Variants in IGF1R observed in about 807,000 individuals in gnomAD.
IGF1R encodes the protein insulin like growth factor 1 receptor, also known as insulin-like growth factor 1 receptor.
A neutral mutation model predicts 144.6 loss-of-function variants in IGF1R; 44 were observed. The observed-to-expected ratio is 0.30, with a 90% confidence interval of 0.24 to 0.39. The LOEUF (loss-of-function observed/expected upper bound fraction) is 0.39, where lower values mean the gene tolerates loss of function less well. Among genes scored for constraint, IGF1R ranks in the 10% least tolerant of loss-of-function variants. The pLI is 1.00. For missense variants in IGF1R, 1,355 were observed against 1,833.7 expected (o/e 0.74, Z 4.77); for synonymous variants, 795 against 722.8 (o/e 1.10, Z -1.60).
At chr15:98,907,751 C>T (rs1345267858) in intron 5 of IGF1R, among the ~76,000 whole-genome samples, 3 of 152,240 alleles carry the variant, frequency 2.0e-5, no homozygotes, top group African/African-American at 2.4e-5. Flanking sequence ...CCAGATAGAA[C>T]GGCTTCCTGT....
chr15:98,891,745 A>G lies in IGF1R; in HGVS notation c.953+108A>G, dbSNP rs1301053229. Reference sequence around the variant, plus strand: ...TTTCATCCGGGTGCAGCCCTCAGGAAGTTCACTGAGGTGGGTCATTTTGAG... The same window carrying G: ...TTTCATCCGGGTGCAGCCCTCAGGAGGTTCACTGAGGTGGGTCATTTTGAG... On this transcript the variant is annotated intron_variant, in intron 3 of 20. Coordinates refer to ENST00000650285, the MANE Select transcript of IGF1R (RefSeq NM_000875.5). This position sits in a 1 kb window ranked among gnomAD's most constrained non-coding sequence, Gnocchi z 4.7. 5 of 1,099,012 alleles carry G rather than the reference A, an allele frequency of 4.5e-6. No homozygotes were observed. In the African/African-American group the frequency reaches 7.7e-5, roughly 17 times the overall value. The allele number at this position is 1,099,012 out of a possible 1,614,324, so 68.1% of individuals were successfully genotyped here. A position where few individuals can be genotyped will look rare whatever the true frequency, so the allele number is the denominator to read the frequency against.
chr15:98,681,816 G>T (rs2053196983), intron 1 of IGF1R, among the ~76,000 whole-genome samples: 1 of 152,130 alleles, frequency 6.6e-6, no homozygotes, highest in African/African-American at 2.4e-5. Context: ...TTGAATTTAG[G>T]GTCTGTCCCT....
chr15:98,922,467 C>A, intron 11 of IGF1R, 36 bp downstream of exon 11: 2 of 1,600,060 alleles, frequency 1.2e-6, no homozygotes, highest in Non-Finnish European at 1.7e-6. Flanking sequence ...TTGCCACCTT[C>A]CTCACAACCT....
chr15:98,945,377 C>G (rs1462157647), intron 19 of IGF1R, among the ~76,000 whole-genome samples: 1 of 152,176 alleles, frequency 6.6e-6, no homozygotes, highest in African/African-American at 2.4e-5. Flanking sequence ...AGTATAGTTA[C>G]TGAATGCTGC....
At chr15:98,759,909 C>T (rs1030755374) in intron 2 of IGF1R, among the ~76,000 whole-genome samples, 2 of 152,184 alleles carry the variant, frequency 1.3e-5, no homozygotes, top group Admixed American at 6.5e-5. Context: ...CTGCCTGTCC[C>T]GTGGTACCGT....
intron 20 of IGF1R, among the ~76,000 whole-genome samples, chr15:98,954,853 C>T (rs2016916370): frequency 1.3e-5 from 2 of 152,140 alleles, no homozygotes; most frequent in Admixed American, 6.6e-5. Context: ...ATCAAGCTGC[C>T]AGCTTTTATC....
At chr15:98,826,183 C>T (rs181073990) in intron 2 of IGF1R, among the ~76,000 whole-genome samples, 8 of 152,304 alleles carry the variant, frequency 5.3e-5, no homozygotes, top group Admixed American at 4.6e-4. Flanking sequence ...CTGCATATTG[C>T]GGGAGTTCAG....
chr15:98,696,055 A>G (rs1450173445), intron 1 of IGF1R, among the ~76,000 whole-genome samples: 1 of 146,238 alleles, frequency 6.8e-6, no homozygotes, highest in African/African-American at 2.5e-5. Context: ...GGCAGCCACA[A>G]CATCACATCG....
chr15:98,854,323 CA>C (rs1555453237), intron 2 of IGF1R, among the ~76,000 whole-genome samples: 1 of 152,116 alleles, frequency 6.6e-6, no homozygotes, highest in Non-Finnish European at 1.5e-5. Flanking sequence ...GCTTTCGCCA[CA>C]GTGAGCCTGG....
At chr15:98,772,185 A>G (rs1197903620) in intron 2 of IGF1R, among the ~76,000 whole-genome samples, 1 of 152,216 alleles carries the variant, frequency 6.6e-6, no homozygotes, top group Non-Finnish European at 1.5e-5. Flanking sequence ...AATTTCTGAA[A>G]ACATGAAACA....
chr15:98,848,598 G>A (rs960785095), intron 2 of IGF1R, among the ~76,000 whole-genome samples: 2 of 152,128 alleles, frequency 1.3e-5, no homozygotes, highest in Non-Finnish European at 2.9e-5. Context: ...TTCTTCCATG[G>A]CCACCCCAGC....
At chr15:98,899,338 A>G in intron 4 of IGF1R, 139 bp from the exon 5 acceptor site, 1 of 833,274 alleles carries the variant, frequency 1.2e-6, no homozygotes, top group Non-Finnish European at 2.0e-6. Context: ...TGTTTTTGTC[A>G]GGGAGCAGCC....
At chr15:98,814,411 C>T (rs2056653074) in intron 2 of IGF1R, among the ~76,000 whole-genome samples, 1 of 152,138 alleles carries the variant, frequency 6.6e-6, no homozygotes, top group Non-Finnish European at 1.5e-5. Flanking sequence ...AGTGCAGTGG[C>T]ACCATCATAG....
chr15:98,901,092 A>G (rs2014459295), intron 5 of IGF1R, among the ~76,000 whole-genome samples: 1 of 152,222 alleles, frequency 6.6e-6, no homozygotes, highest in Non-Finnish European at 1.5e-5. Context: ...TATTTGCAAG[A>G]ATATTTATGA....
At chr15:98,877,672 T>C (rs1225271281) in intron 2 of IGF1R, among the ~76,000 whole-genome samples, 1 of 152,124 alleles carries the variant, frequency 6.6e-6, no homozygotes, top group African/African-American at 2.4e-5. Flanking sequence ...GGAGCTGTTC[T>C]TGTTCAATTT....
chr15:98,926,815 G>A (rs2015739303), intron 13 of IGF1R, among the ~76,000 whole-genome samples: 1 of 152,168 alleles, frequency 6.6e-6, no homozygotes. Flanking sequence ...AAAATAGTCT[G>A]AATTGTTCCA....
At chr15:98,712,893 AGCCACT>A (rs2054027344) in intron 2 of IGF1R, among the ~76,000 whole-genome samples, 1 of 149,008 alleles carries the variant, frequency 6.7e-6, no homozygotes, top group African/African-American at 2.5e-5. Context: ...TACAGGCATG[AGCCACT>A]GCGCCCGGCC....
chr15:98,764,892 G>T (rs2055397296), intron 2 of IGF1R, among the ~76,000 whole-genome samples: 1 of 152,098 alleles, frequency 6.6e-6, no homozygotes, highest in African/African-American at 2.4e-5. Context: ...TTGTGCAATT[G>T]CCATCTCTAT....
intron 2 of IGF1R, among the ~76,000 whole-genome samples, chr15:98,818,519 C>T (rs185766809): frequency 2.7e-4 from 40 of 150,362 alleles, no homozygotes; most frequent in Admixed American, 7.3e-4. Flanking sequence ...TGAACCAGTG[C>T]TGGGTTTCTC....
Sources: gnomAD v4.1 joint callset for allele counts (sites outside exome capture counted in the v4.1 genomes callset) on GRCh38, gnomAD v4.1.1 for gene constraint, Gnocchi (gnomAD v3.1) non-coding constraint, MANE v1.5 for transcripts, NCBI Gene and HGNC (gene_info 2026-07-23, HGNC 2026-07-21) for gene names.